The following C12orf42 variants were observed in gnomAD, a reference collection of about 807,000 sequenced individuals.
C12orf42 encodes uncharacterized protein C12orf42.
Under a neutral mutation model 21.6 loss-of-function variants are expected in C12orf42, and 25 were observed. That is an observed-to-expected ratio of 1.16 (90% CI 0.84 to 1.62). The LOEUF (loss-of-function observed/expected upper bound fraction) is 1.62, where lower values mean the gene tolerates loss of function less well. Ranked by LOEUF, C12orf42 falls within the 40% of genes most tolerant of loss-of-function variation. The pLI is 0.00. For synonymous variants in C12orf42, 174 were observed against 175.0 expected, an observed-to-expected ratio of 0.99 and a Z score of 0.05; for missense variants, 483 against 459.3, an observed-to-expected ratio of 1.05 and a Z score of -0.47.
At chr12:103,543,483 C>T in the C12orf42 span, among the ~76,000 whole-genome samples, 1 of 151,962 alleles carries the variant, frequency 6.6e-6, no homozygotes, top group Non-Finnish European at 1.5e-5. Context: ...CATGGTAGTG[C>T]ATGCCTGTGG....
chr12:103,541,847 T>C, the C12orf42 span, among the ~76,000 whole-genome samples: 2 of 152,164 alleles, frequency 1.3e-5, no homozygotes, highest in African/African-American at 4.8e-5. Flanking sequence ...TTATTGACTT[T>C]GAAACAAAAT....
intron 4 of C12orf42, chr12:103,349,332 A>T (rs2137418526): frequency 6.6e-6 from 1 of 152,282 alleles, no homozygotes; most frequent in Non-Finnish European, 1.5e-5. Flanking sequence ...AAGAAAAAAG[A>T]ACAAAGAAAT....
chr12:103,467,950 G>A (rs1188502163), intron 2 of C12orf42, among the ~76,000 whole-genome samples: 1 of 152,126 alleles, frequency 6.6e-6, no homozygotes, highest in Non-Finnish European at 1.5e-5. Flanking sequence ...AACAACCAAG[G>A]AAAGCTAGAT....
intron 4 of C12orf42, among the ~76,000 whole-genome samples, chr12:103,329,457 T>C (rs981088815): frequency 6.6e-6 from 1 of 152,006 alleles, no homozygotes; most frequent in Admixed American, 6.6e-5. Context: ...AGACAACAGA[T>C]TGATAGGTGC....
the C12orf42 span, among the ~76,000 whole-genome samples, chr12:103,154,025 C>CAAAAAAAA: frequency 2.2e-3 from 112 of 51,642 alleles, no homozygotes; most frequent in East Asian, 3.2e-3. Flanking sequence ...CAAATCTCAG[C>CAAAAAAAA]AAAAAAAAAA....
At chr12:103,122,791 A>T in the C12orf42 span, among the ~76,000 whole-genome samples, 2 of 152,020 alleles carry the variant, frequency 1.3e-5, no homozygotes, top group Non-Finnish European at 1.5e-5. Flanking sequence ...CAATATAGGG[A>T]CTTTGTCTTT....
the C12orf42 span, among the ~76,000 whole-genome samples, chr12:103,551,841 A>C: frequency 4.6e-5 from 7 of 152,040 alleles, no homozygotes; most frequent in Non-Finnish European, 8.8e-5. Flanking sequence ...AATAATAATA[A>C]AATAATAAGA....
intron 5 of C12orf42, chr12:103,273,651 G>A (rs1380666891): frequency 3.4e-6 from 1 of 295,938 alleles, no homozygotes; most frequent in Non-Finnish European, 6.9e-6. Flanking sequence ...TTTGTCTAAA[G>A]ACCCAAGAGG....
chr12:103,334,844 C>T lies in C12orf42; in HGVS notation c.260-28499G>A, dbSNP rs75541129. On this transcript the variant is annotated intron_variant, in intron 4 of 5. Transcript: ENST00000548883. ...TTCGACCCCACTCAAGAAAAATGTC[C>T]GCTTCATTGCCAAGCGTTAGCAATA... Among the ~76,000 whole-genome samples, 255 of 152,286 alleles carry T rather than the reference C, an allele frequency of 1.7e-3. 2 individuals are homozygous for T. The highest frequency in any genetic ancestry group is 5.5e-3 in the African/African-American group (227 of 41,552).
At chr12:103,181,095 C>T in the C12orf42 span, among the ~76,000 whole-genome samples, 1 of 151,674 alleles carries the variant, frequency 6.6e-6, no homozygotes, top group Non-Finnish European at 1.5e-5. Context: ...AACCCCGTCT[C>T]TACTAAAAAT....
the C12orf42 span, among the ~76,000 whole-genome samples, chr12:103,218,551 T>C: frequency 6.6e-6 from 1 of 152,172 alleles, no homozygotes; most frequent in African/African-American, 2.4e-5. Context: ...AATGCTTCAC[T>C]GGACTCTTGC....
the C12orf42 span, among the ~76,000 whole-genome samples, chr12:103,176,199 TCCC>T: frequency 6.6e-6 from 1 of 152,170 alleles, no homozygotes; most frequent in Non-Finnish European, 1.5e-5. Flanking sequence ...TGCTATTCTG[TCCC>T]TGATTGGATT....
downstream of C12orf42, among the ~76,000 whole-genome samples, chr12:103,234,213 G>T (rs1271754221): frequency 6.6e-6 from 1 of 152,048 alleles, no homozygotes; most frequent in African/African-American, 2.4e-5. Context: ...ATTTTTAAAA[G>T]TTTGTTGCTT....
intron 2 of C12orf42, among the ~76,000 whole-genome samples, chr12:103,426,459 T>C (rs917515256): frequency 3.9e-5 from 6 of 152,172 alleles, no homozygotes; most frequent in Non-Finnish European, 7.4e-5. Context: ...TATTGGACTA[T>C]GTGAAAAGAC....
At chr12:103,396,738 T>C (rs2047571235) in intron 3 of C12orf42, 1 of 152,106 alleles carries the variant, frequency 6.6e-6, no homozygotes, top group African/African-American at 2.4e-5. Flanking sequence ...AAAACAGCAA[T>C]TGCAAAGGAC....
intron 4 of C12orf42, among the ~76,000 whole-genome samples, chr12:103,285,787 C>T (rs1021550599): frequency 6.6e-6 from 1 of 152,126 alleles, no homozygotes. Context: ...TTTAGTCCCC[C>T]AAAATAATTG....
At chr12:103,113,150 A>G in the C12orf42 span, among the ~76,000 whole-genome samples, 1 of 151,884 alleles carries the variant, frequency 6.6e-6, no homozygotes, top group Admixed American at 6.6e-5. Context: ...AAATTTGTTC[A>G]GTGCTTTTTA....
At chr12:103,064,527 G>A in the C12orf42 span, among the ~76,000 whole-genome samples, 2 of 152,268 alleles carry the variant, frequency 1.3e-5, no homozygotes, top group African/African-American at 2.4e-5. Context: ...AGGTCAAATG[G>A]ACAAAAGACT....
chr12:103,196,113 A>T, the C12orf42 span, among the ~76,000 whole-genome samples: 2,909 of 152,210 alleles, frequency 0.019, 35 homozygotes, highest in East Asian at 0.028. Context: ...AGTATCCCAA[A>T]TGTTTTGTTA....
Sources: allele counts gnomAD v4.1 joint callset (sites outside exome capture counted in the v4.1 genomes callset), GRCh38; gene constraint gnomAD v4.1.1; transcripts MANE v1.5; gene names NCBI Gene and HGNC (gene_info 2026-07-23, HGNC 2026-07-21).